Variants in RMST observed in about 807,000 individuals in gnomAD.
RMST encodes the protein rhabdomyosarcoma 2 associated transcript.
intron 5 of RMST, among the ~76,000 whole-genome samples, chr12:97,476,085 G>C (rs1345537212): frequency 6.6e-6 from 1 of 152,066 alleles, no homozygotes; most frequent in Non-Finnish European, 1.5e-5. Context: ...TAAAGATTCT[G>C]GATAAATGTC....
At chr12:97,484,952 A>G (rs1217412272) in intron 5 of RMST, among the ~76,000 whole-genome samples, 1 of 152,150 alleles carries the variant, frequency 6.6e-6, no homozygotes, top group African/African-American at 2.4e-5. Context: ...TCAGGGTCAG[A>G]CACGTAGAAG....
intron 5 of RMST, among the ~76,000 whole-genome samples, chr12:97,488,397 T>C (rs988068042): frequency 6.6e-6 from 1 of 152,198 alleles, no homozygotes; most frequent in Non-Finnish European, 1.5e-5. Context: ...CTACTCTCTT[T>C]GTCCCAGATG....
chr12:97,549,113 C>T (rs1883140620), intron 11 of RMST, among the ~76,000 whole-genome samples: 1 of 152,066 alleles, frequency 6.6e-6, no homozygotes, highest in Non-Finnish European at 1.5e-5. Context: ...CTGAGAGAGA[C>T]TATGAAACAT....
At chr12:97,490,679 A>G (rs775220717) in intron 5 of RMST, among the ~76,000 whole-genome samples, 1 of 152,224 alleles carries the variant, frequency 6.6e-6, no homozygotes, top group Non-Finnish European at 1.5e-5. Context: ...GGGCTTTCAT[A>G]TAGAAAAAGA....
chr12:97,540,119 C>T (rs544474534), intron 11 of RMST, among the ~76,000 whole-genome samples: 8 of 151,760 alleles, frequency 5.3e-5, no homozygotes, highest in South Asian at 4.1e-4. Flanking sequence ...AGATTGTAGG[C>T]GCATTGAGGG....
exon 10 of RMST, chr12:97,495,943 G>T (rs1877368251): frequency 6.6e-6 from 1 of 152,072 alleles, no homozygotes. Context: ...GGCAGTTAAA[G>T]AACAGAAACA....
At chr12:97,553,416 C>G (rs969469880) in intron 11 of RMST, among the ~76,000 whole-genome samples, 2 of 152,140 alleles carry the variant, frequency 1.3e-5, no homozygotes, top group African/African-American at 4.8e-5. Context: ...TTGTGTGGTG[C>G]TGTTGAGCTG....
At chr12:97,465,590 C>T (rs921927690) in intron 4 of RMST, 1 of 152,108 alleles carries the variant, frequency 6.6e-6, no homozygotes, top group Admixed American at 6.5e-5. Flanking sequence ...CATCAGCTTT[C>T]TTTCGAGTGA....
chr12:97,505,971 A>G (rs1878616268), intron 10 of RMST, among the ~76,000 whole-genome samples: 2 of 152,238 alleles, frequency 1.3e-5, no homozygotes, highest in Non-Finnish European at 2.9e-5. Flanking sequence ...GCAGGTGTGA[A>G]CATTTAAAAT....
At chr12:97,467,378 T>C (rs1264428581) in intron 5 of RMST, among the ~76,000 whole-genome samples, 2 of 151,996 alleles carry the variant, frequency 1.3e-5, no homozygotes, top group Non-Finnish European at 2.9e-5. Flanking sequence ...CAAAATGAAA[T>C]CCTGACATCA....
At chr12:97,535,152 T>C (rs1225613349) in intron 11 of RMST, among the ~76,000 whole-genome samples, 1 of 151,690 alleles carries the variant, frequency 6.6e-6, no homozygotes, top group Non-Finnish European at 1.5e-5. Context: ...CTTCTTGTAA[T>C]TTGTTTAATA....
chr12:97,551,158 G>C (rs996799068), intron 11 of RMST, among the ~76,000 whole-genome samples: 2 of 145,426 alleles, frequency 1.4e-5, no homozygotes, highest in African/African-American at 5.1e-5. Context: ...TGGCATTCAT[G>C]GTTCATTGTT....
At chr12:97,523,115 C>T (rs1880685569) in intron 10 of RMST, among the ~76,000 whole-genome samples, 1 of 152,128 alleles carries the variant, frequency 6.6e-6, no homozygotes, top group South Asian at 2.1e-4. Context: ...GAGACACGAG[C>T]ATTTAGTTGC....
At chr12:97,491,676 T>G in intron 5 of RMST, 1 of 240,676 alleles carries the variant, frequency 4.2e-6, no homozygotes, top group Admixed American at 4.0e-5. Flanking sequence ...AAATGTTGAG[T>G]TATCAAGTAT....
intron 7 of RMST, chr12:97,493,831 A>G (rs575706165): frequency 7.2e-5 from 11 of 152,176 alleles, no homozygotes; most frequent in Non-Finnish European, 1.6e-4. Flanking sequence ...CTTAAAGCTA[A>G]AAAACTATAC....
intron 10 of RMST, among the ~76,000 whole-genome samples, chr12:97,515,545 C>G (rs989569118): frequency 6.6e-6 from 1 of 151,978 alleles, no homozygotes; most frequent in African/African-American, 2.4e-5. Flanking sequence ...TCCCCATCAC[C>G]TTAGCATTGT....
chr12:97,526,010 C>G (rs1159916381), intron 10 of RMST, among the ~76,000 whole-genome samples: 1 of 152,012 alleles, frequency 6.6e-6, no homozygotes, highest in Non-Finnish European at 1.5e-5. Flanking sequence ...TGATCTGTCA[C>G]TGTCCCCATC....
intron 5 of RMST, among the ~76,000 whole-genome samples, chr12:97,477,677 C>A (rs1874719145): frequency 6.6e-6 from 1 of 152,116 alleles, no homozygotes; most frequent in Admixed American, 6.5e-5. Context: ...CCCAGCAAAC[C>A]TTTAAGGGAA....
chr12:97,489,022 T>A (rs1344084575), intron 5 of RMST, among the ~76,000 whole-genome samples: 1 of 152,236 alleles, frequency 6.6e-6, no homozygotes, highest in African/African-American at 2.4e-5. Flanking sequence ...ATTGCACAAT[T>A]GTTAAAATTG....
Sources: allele counts gnomAD v4.1 joint callset (sites outside exome capture counted in the v4.1 genomes callset), GRCh38; gene constraint gnomAD v4.1.1; transcripts MANE v1.5; gene names NCBI Gene and HGNC (gene_info 2026-07-23, HGNC 2026-07-21).